Variants in ACIN1 observed in about 807,000 individuals in gnomAD.
The protein encoded by ACIN1 is apoptotic chromatin condensation inducer 1.
In ACIN1, 16 loss-of-function variants were observed where a neutral mutation model predicts 146.6. The observed-to-expected ratio is 0.11, with a 90% confidence interval of 0.07 to 0.17. The LOEUF is 0.17. Among genes scored for constraint, ACIN1 ranks in the 10% least tolerant of loss-of-function variants. ACIN1 has a pLI of 1.00. For synonymous variants in ACIN1, 569 were observed against 582.7 expected (o/e 0.98, Z 0.34); for missense variants, 1,357 against 1,609.3 (o/e 0.84, Z 2.68).
At position 23,079,746 on chromosome 14, in the gene ACIN1, C is replaced by A. The variant is rs2140151308; in HGVS notation, c.1589G>T (p.Ser530Ile). 1 of 1,614,110 alleles carries A rather than the reference C, an allele frequency of 6.2e-7. No homozygotes were observed. The highest frequency in any genetic ancestry group is 8.5e-7 in the Non-Finnish European group (1 of 1,180,020). ...SSRSSSSSSS[S>I]SRSRSRSPDS... is the part of the protein sequence containing the mutation. ...AGGAGAGCGAGATCTTGATCTAGAACTGGAGGAGGAAGATGAGGAGGACCG... is the reference window on the plus strand; with the variant it reads ...AGGAGAGCGAGATCTTGATCTAGAAATGGAGGAGGAAGATGAGGAGGACCG... The change falls in exon 6 of 19, where the codon AGT (serine) becomes ATT (isoleucine). Residue 530 changes from serine (S) to isoleucine (I), a missense_variant. Physicochemically the swap from Ser to Ile is moderately radical, Grantham distance 142. This residue lies in a region of ACIN1 where 771 missense variants were observed against 746.6 expected (regional missense o/e 1.03). Coordinates refer to ENST00000605057, the MANE Select transcript of ACIN1 (RefSeq NM_001386863.1).
intron 4 of ACIN1, among the ~76,000 whole-genome samples, chr14:23,084,784 G>T (rs1027610809): frequency 1.3e-5 from 2 of 152,104 alleles, no homozygotes; most frequent in African/African-American, 4.8e-5. Context: ...GTTCATACAG[G>T]ATATATGATT....
intron 7 of ACIN1, 123 bp downstream of exon 7, chr14:23,078,697 G>A (rs2047863509): frequency 9.7e-7 from 1 of 1,029,770 alleles, no homozygotes. Context: ...AGGATTAACA[G>A]GTATCCACCA....
chr14:23,071,484 C>T (rs576018313), intron 8 of ACIN1: 3 of 1,551,746 alleles, frequency 1.9e-6, no homozygotes, highest in South Asian at 2.4e-5. Flanking sequence ...GAGGGCCAGG[C>T]TGCTGGTAGT....
chr14:23,094,565 C>A (rs1453243363), intron 1 of ACIN1: 24 of 984,262 alleles, frequency 2.4e-5, no homozygotes, highest in Non-Finnish European at 2.9e-5. Context: ...CCAACCCCAT[C>A]CACCCCTTCG....
chr14:23,068,426 C>T lies in ACIN1; in HGVS notation c.2265+1050G>A. On this transcript the variant is annotated intron_variant, in intron 9 of 18. Transcript: ENST00000605057. This position sits in a 1 kb window ranked among gnomAD's most constrained non-coding sequence, Gnocchi z 4.3. ...CCTTTCCAAATGTTTTTTGCTTGCT[C>T]AATACAAGTCTCTCCAGAACAGTGT... The T allele has an allele frequency of 1.0e-6, 1 of 985,830 alleles. No homozygotes were observed. The highest frequency in any genetic ancestry group is 1.2e-6 in the Non-Finnish European group (1 of 829,942). 61.1% of individuals were successfully genotyped at this position (985,830 alleles called of 1,614,324 possible). A position where few individuals can be genotyped will look rare whatever the true frequency, so the allele number is the denominator to read the frequency against.
chr14:23,063,172 G>C (rs1594743760), intron 13 of ACIN1, 98 bp from the exon 14 acceptor site: 93 of 1,345,846 alleles, frequency 6.9e-5, no homozygotes, highest in Middle Eastern at 2.1e-4. Flanking sequence ...TTTATACCAA[G>C]CAGCCACTCC....
intron 8 of ACIN1, chr14:23,071,059 G>C (rs1015133587): frequency 3.9e-5 from 57 of 1,476,116 alleles, no homozygotes; most frequent in Non-Finnish European, 5.2e-5. Flanking sequence ...CCATGAGGAA[G>C]AGAAGGAAGA....
intron 8 of ACIN1, among the ~76,000 whole-genome samples, chr14:23,076,143 G>A (rs1240716531): frequency 2.0e-5 from 3 of 152,108 alleles, no homozygotes; most frequent in African/African-American, 4.8e-5. Context: ...GTTGTGGTAG[G>A]GCCTCCAGAA....
intron 8 of ACIN1, among the ~76,000 whole-genome samples, chr14:23,070,365 A>G (rs1367960971): frequency 2.0e-5 from 3 of 152,046 alleles, no homozygotes; most frequent in Non-Finnish European, 2.9e-5. Flanking sequence ...AGAGGTGTAG[A>G]AACTGTTCCT....
Position 23,059,292 on chromosome 14 carries a change from T to TTC in ACIN1, c.3706_3707dup (p.Arg1237LysfsTer123). 73 of 1,576,678 alleles carry TTC rather than the reference T, an allele frequency of 4.6e-5. No homozygotes were observed. Among genetic ancestry groups the TTC allele is most frequent in the Non-Finnish European group, 5.9e-5 (68 of 1,147,034 alleles). On this transcript the variant is annotated frameshift_variant, in exon 19 of 19. Coordinates refer to ENST00000605057, the MANE Select transcript of ACIN1 (RefSeq NM_001386863.1). LOFTEE classifies it high-confidence loss of function. ...CTCGGTCCCCCCTGTCCCGCTCCCT[T>TTC]TCTCTCTCTCTCTCCCTGTCCCTCT...
At chr14:23,081,644 A>G in intron 5 of ACIN1, 104 bp downstream of exon 5, 1 of 1,031,698 alleles carries the variant, frequency 9.7e-7, no homozygotes, top group African/African-American at 1.6e-5. Context: ...AAGAAAAACA[A>G]AACCCCTAAA....
intron 4 of ACIN1, among the ~76,000 whole-genome samples, chr14:23,082,467 ATGGAGTCTCACTCT>A (rs2047971587): frequency 8.7e-6 from 1 of 114,454 alleles, no homozygotes; most frequent in Non-Finnish European, 1.7e-5. Context: ...TTTTTCTGAG[ATGGAGTCTCACTCT>A]GTCACCCAGG....
chr14:23,081,765 A>G lies in ACIN1; in HGVS notation c.508T>C (p.Ser170Pro). ...TGAGTTACCTGTCTGACCCTAGATGATCGTCTTTCTCCTTTCCTTGGTTTC... is the reference window on the plus strand; with the variant it reads ...TGAGTTACCTGTCTGACCCTAGATGGTCGTCTTTCTCCTTTCCTTGGTTTC... ...DEKPRKGERR[S>P]SRVRQARAAK... Residue 170 changes from serine (S) to proline (P), a missense_variant, in exon 5 of 19, where the codon TCA (serine) becomes CCA (proline). Ser to Pro is a moderately conservative substitution (Grantham distance 74). Around this residue, in one of 4 missense-constraint regions of ACIN1, gnomAD observed 771 missense variants for 746.6 expected, o/e 1.03. Transcript: ENST00000605057. 2 of 1,613,100 alleles carry G rather than the reference A, an allele frequency of 1.2e-6. No individual in the cohort carries two copies. The highest frequency in any genetic ancestry group is 1.7e-6 in the Non-Finnish European group (2 of 1,179,878).
At chr14:23,092,241 T>A (rs1427940032) in intron 2 of ACIN1, among the ~76,000 whole-genome samples, 1 of 152,234 alleles carries the variant, frequency 6.6e-6, no homozygotes, top group Admixed American at 6.5e-5. Flanking sequence ...ACTTTCTATG[T>A]TATTAGTCAT....
chr14:23,083,035 G>A (rs143399901), intron 4 of ACIN1, among the ~76,000 whole-genome samples: 621 of 151,334 alleles, frequency 4.1e-3, no homozygotes, highest in Non-Finnish European at 6.3e-3. Context: ...CACCGCACCC[G>A]GACTAGGTGA....
chr14:23,066,336 G>C (rs1475127559), intron 9 of ACIN1: 1 of 202,360 alleles, frequency 4.9e-6, no homozygotes, highest in East Asian at 1.2e-4. Flanking sequence ...GCCCCCTAAA[G>C]ATGTTGGTCA....
At chr14:23,094,398 A>G in intron 1 of ACIN1, 1 of 889,952 alleles carries the variant, frequency 1.1e-6, no homozygotes, top group Non-Finnish European at 1.3e-6. Flanking sequence ...AATATTCACC[A>G]AACTCTTAAC....
chr14:23,071,099 C>T (rs781107036), intron 8 of ACIN1: 2 of 1,548,938 alleles, frequency 1.3e-6, no homozygotes, highest in South Asian at 2.4e-5. Flanking sequence ...GGGGAAAAGG[C>T]ATACATGGAA....
At position 23,068,023 on chromosome 14, in the gene ACIN1, G is replaced by C; in HGVS notation, c.2265+1453C>G. The C allele has an allele frequency of 1.0e-6, 1 of 985,872 alleles. No individual in the cohort carries two copies. Among genetic ancestry groups the C allele is most frequent in the African/African-American group, 1.7e-5 (1 of 57,338 alleles). The allele number at this position is 985,872 out of a possible 1,614,324, so 61.1% of individuals were successfully genotyped here. On this transcript the variant is annotated intron_variant, in intron 9 of 18. Coordinates refer to ENST00000605057, the MANE Select transcript of ACIN1 (RefSeq NM_001386863.1). The surrounding 1 kb of genome is among the most constrained non-coding windows in gnomAD (Gnocchi z 4.3). ...TGAGTCCCTGCCTCCAGGGATGGAG[G>C]AGAAGTTGGAGCAACCAACATGCTG...
Sources: gnomAD v4.1 joint callset for allele counts (sites outside exome capture counted in the v4.1 genomes callset) on GRCh38, gnomAD v4.1.1 for gene constraint, gnomAD v4.1.1 regional missense constraint, Gnocchi (gnomAD v3.1) non-coding constraint, MANE v1.5 for transcripts, NCBI Gene and HGNC (gene_info 2026-07-23, HGNC 2026-07-21) for gene names.